TRAF3: variants seen among roughly 807,000 people sequenced by gnomAD.
TRAF3 encodes the protein TNF receptor associated factor 3.
TRAF3 carries 13 observed loss-of-function variants against 62.3 expected under a neutral mutation model. That is an observed-to-expected ratio of 0.21 (90% CI 0.14 to 0.33). The LOEUF is 0.33. Among genes scored for constraint, TRAF3 ranks in the 10% least tolerant of loss-of-function variants. The pLI is 1.00. For synonymous variants in TRAF3, 269 were observed against 283.4 expected (o/e 0.95, Z 0.51); for missense variants, 440 against 741.8 (o/e 0.59, Z 4.73).
At chr14:102,849,054 C>T (rs749720549) in intron 2 of TRAF3, among the ~76,000 whole-genome samples, 47 of 152,286 alleles carry the variant, frequency 3.1e-4, no homozygotes, top group Middle Eastern at 3.4e-3. Flanking sequence ...CTCCCACCTC[C>T]GCCTCCCAAA....
chr14:102,846,638 TAAAAAAAAAAAA>T (rs752922791), intron 2 of TRAF3, among the ~76,000 whole-genome samples: 32 of 71,750 alleles, frequency 4.5e-4, no homozygotes, highest in African/African-American at 1.9e-3. Context: ...TCCAGCTTCT[TAAAAAAAAAAAA>T]AAAAAAAAAA....
chr14:102,777,996 G>A (rs1897098727), intron 1 of TRAF3, among the ~76,000 whole-genome samples: 2 of 150,488 alleles, frequency 1.3e-5, no homozygotes, highest in Non-Finnish European at 3.0e-5. Context: ...GCCTCGCTAC[G>A]GCCGTGACCC....
At chr14:102,792,337 G>C (rs956586199) in intron 1 of TRAF3, among the ~76,000 whole-genome samples, 61 of 151,458 alleles carry the variant, frequency 4.0e-4, no homozygotes, top group African/African-American at 1.4e-3. Flanking sequence ...GTGTTGCCCA[G>C]GTTGGTCTCA....
intron 2 of TRAF3, among the ~76,000 whole-genome samples, chr14:102,862,505 T>A (rs927849822): frequency 1.3e-5 from 2 of 152,146 alleles, no homozygotes; most frequent in African/African-American, 4.8e-5. Context: ...AATCAGTTGT[T>A]AATCTTACTG....
Position 102,820,910 on chromosome 14 carries a change from C to T in TRAF3, c.-156-9424C>T, listed in dbSNP as rs570263936. 1.7e-3 allele frequency among the ~76,000 whole-genome samples: 264 copies of T among 151,988 alleles called. 1 individual carries two copies. Among genetic ancestry groups the T allele is most frequent in the African/African-American group, 6.2e-3 (259 of 41,444 alleles). ...TCAGCCTCCCAAAGTGCTGAGATTA[C>T]AGGCATGAACCACCACACCCTCCTG... On this transcript the variant is annotated intron_variant, in intron 1 of 11. Coordinates refer to ENST00000392745, the MANE Select transcript of TRAF3 (RefSeq NM_145725.3).
chr14:102,899,366 G>A (rs1192786413), intron 10 of TRAF3, among the ~76,000 whole-genome samples: 1 of 152,190 alleles, frequency 6.6e-6, no homozygotes. Context: ...ACCCTCTTGA[G>A]CAGCAGCCCA....
At position 102,886,265 on chromosome 14, in the gene TRAF3, G is replaced by T. The variant is rs139458877; in HGVS notation, c.647G>T (p.Ser216Ile). The change falls in exon 7 of 12, where the codon AGC becomes ATC. Residue 216 changes from serine to isoleucine, a missense_variant. Coordinates refer to ENST00000392745, the MANE Select transcript of TRAF3 (RefSeq NM_145725.3). Reference protein sequence around the residue: ...HKCSVQTLLRSELSAHLSECV... With the variant: ...HKCSVQTLLRIELSAHLSECV... ...TGCAGCGTCCAGACTCTCCTGAGGA[G>T]CGAGGTAGGGGCGGCCGGGCCCGGC... 6.2e-7 allele frequency: 1 copy of T among 1,610,976 alleles called. No individual in the cohort carries two copies.
chr14:102,871,867 C>T (rs374361634), intron 3 of TRAF3, 50 bp from the exon 4 acceptor site: 4 of 1,580,868 alleles, frequency 2.5e-6, no homozygotes, highest in Non-Finnish European at 2.6e-6. Context: ...CCTGAGTCCT[C>T]TCAAGAAAGG....
chr14:102,858,255 G>A (rs1566778987), intron 2 of TRAF3, among the ~76,000 whole-genome samples: 1 of 151,738 alleles, frequency 6.6e-6, no homozygotes, highest in Non-Finnish European at 1.5e-5. Flanking sequence ...AGGTTTAAGC[G>A]ATTCTCCTGC....
intron 2 of TRAF3, among the ~76,000 whole-genome samples, chr14:102,847,209 C>T (rs538125329): frequency 2.0e-5 from 3 of 152,234 alleles, no homozygotes; most frequent in South Asian, 4.2e-4. Flanking sequence ...CTCGCTCTGT[C>T]GCCCAGACTG....
intron 6 of TRAF3, among the ~76,000 whole-genome samples, chr14:102,884,431 G>A (rs1889244862): frequency 6.6e-6 from 1 of 152,206 alleles, no homozygotes; most frequent in Admixed American, 6.5e-5. Context: ...TGAACTCACT[G>A]TAGTAGTCAA....
At chr14:102,789,287 T>C (rs945918788) in intron 1 of TRAF3, among the ~76,000 whole-genome samples, 37 of 152,214 alleles carry the variant, frequency 2.4e-4, no homozygotes, top group African/African-American at 8.9e-4. Context: ...TTGGATTATT[T>C]TCACTGACTA....
chr14:102,881,945 G>A (rs1318442206), intron 6 of TRAF3, among the ~76,000 whole-genome samples: 3 of 152,206 alleles, frequency 2.0e-5, no homozygotes, highest in Non-Finnish European at 2.9e-5. Flanking sequence ...ATAGATTCAC[G>A]AAATGGCGTC....
At chr14:102,904,128 T>A (rs1890456415) in intron 11 of TRAF3, among the ~76,000 whole-genome samples, 1 of 152,114 alleles carries the variant, frequency 6.6e-6, no homozygotes, top group Non-Finnish European at 1.5e-5. Context: ...GAAGCCACAG[T>A]GGAGCACTCT....
chr14:102,798,877 T>C (rs1295987346), intron 1 of TRAF3, among the ~76,000 whole-genome samples: 1 of 152,172 alleles, frequency 6.6e-6, no homozygotes, highest in African/African-American at 2.4e-5. Context: ...TCTCAGGAAA[T>C]TCAGACTGCC....
At chr14:102,825,237 T>C (rs1900230093) in intron 1 of TRAF3, among the ~76,000 whole-genome samples, 1 of 152,202 alleles carries the variant, frequency 6.6e-6, no homozygotes, top group Non-Finnish European at 1.5e-5. Context: ...ACTGGTGCAC[T>C]TGGAAAGTGA....
At chr14:102,838,885 C>G (rs1285691336) in intron 2 of TRAF3, among the ~76,000 whole-genome samples, 1 of 152,182 alleles carries the variant, frequency 6.6e-6, no homozygotes, top group Non-Finnish European at 1.5e-5. Context: ...TAATTACCCC[C>G]TTAAATTTCA....
At chr14:102,821,446 G>C (rs1172678203) in intron 1 of TRAF3, among the ~76,000 whole-genome samples, 2 of 152,174 alleles carry the variant, frequency 1.3e-5, no homozygotes, top group African/African-American at 4.8e-5. Flanking sequence ...CTTTATGAGC[G>C]AGTAATCATG....
chr14:102,791,151 C>G (rs1897772169), intron 1 of TRAF3, among the ~76,000 whole-genome samples: 1 of 151,750 alleles, frequency 6.6e-6, no homozygotes, highest in Non-Finnish European at 1.5e-5. Flanking sequence ...TCCCGAGTAG[C>G]TGGGACTACA....
Sources: allele counts gnomAD v4.1 joint callset (sites outside exome capture counted in the v4.1 genomes callset), GRCh38; gene constraint gnomAD v4.1.1; transcripts MANE v1.5; gene names NCBI Gene and HGNC (gene_info 2026-07-23, HGNC 2026-07-21).